Variants in ABCB11 observed in about 807,000 individuals in gnomAD.
ABCB11 encodes the protein ATP binding cassette subfamily B member 11.
Under a neutral mutation model 148.0 loss-of-function variants are expected in ABCB11, and 95 were observed. The observed-to-expected ratio is 0.64, with a 90% CI of 0.54 to 0.76. The LOEUF is 0.76. ABCB11 is among the 30% of genes least tolerant of loss of function. The pLI is 0.00. For synonymous variants in ABCB11, 591 were observed against 555.4 expected (o/e 1.06, Z -0.90); for missense variants, 1,523 against 1,617.8 (o/e 0.94, Z 1.01).
At chr2:169,012,422 G>T (rs565268789) in intron 5 of ABCB11, among the ~76,000 whole-genome samples, 14 of 152,232 alleles carry the variant, frequency 9.2e-5, no homozygotes, top group African/African-American at 3.4e-4. Flanking sequence ...CTGTGTCTGT[G>T]TGAGTTCTGG....
chr2:168,979,816 A>AC, intron 11 of ABCB11, 50 bp downstream of exon 11: 1 of 822,874 alleles, frequency 1.2e-6, no homozygotes, highest in Non-Finnish European at 1.9e-6. Flanking sequence ...TCTGTGCCCC[A>AC]CCCCCCAGCC....
chr2:169,005,551 G>A (rs370135354), intron 5 of ABCB11, among the ~76,000 whole-genome samples: 4 of 152,034 alleles, frequency 2.6e-5, no homozygotes, highest in African/African-American at 4.8e-5. Context: ...CATGCCCACC[G>A]TGCCCCCAAC....
chr2:169,009,699 G>A (rs1278131933), intron 5 of ABCB11, among the ~76,000 whole-genome samples: 1 of 151,670 alleles, frequency 6.6e-6, no homozygotes, highest in African/African-American at 2.4e-5. Flanking sequence ...TGCACATTGT[G>A]CACATGTACC....
At chr2:168,968,171 A>G (rs1693397918) in intron 17 of ABCB11, among the ~76,000 whole-genome samples, 1 of 151,892 alleles carries the variant, frequency 6.6e-6, no homozygotes, top group Non-Finnish European at 1.5e-5. Flanking sequence ...TCAATACACA[A>G]CAATTTTAAC....
chr2:169,030,713 A>AT (rs4148767), intron 1 of ABCB11, among the ~76,000 whole-genome samples: 48,018 of 150,916 alleles, frequency 0.32, 7,881 homozygotes, highest in Admixed American at 0.45. Flanking sequence ...TCCACAGCTC[A>AT]TTTTTTTTTG....
At position 168,979,867 on chromosome 2, in the gene ABCB11, C is replaced by G. The variant is rs772766222; in HGVS notation, c.1196G>C (p.Arg399Thr). The part of the protein sequence containing the change: ...AATSIFETID[R>T]KPIIDCMSED... ...CCTTTACTTTTGGCTTATACATACC[C>G]TGTCTATTGTCTCAAAAATGCTGGT... The change falls in exon 11 of 28, where the codon AGG becomes ACG. Residue 399 changes from arginine (R) to threonine (T), a missense_variant and splice_region_variant. Transcript: ENST00000650372. The G allele has an allele frequency of 6.2e-7, 1 of 1,602,832 alleles. No homozygotes were observed. Among genetic ancestry groups the G allele is most frequent in the South Asian group, 1.1e-5 (1 of 90,756 alleles).
At chr2:168,976,510 GTGGTTA>G in intron 12 of ABCB11, 61 bp downstream of exon 12, 1 of 926,962 alleles carries the variant, frequency 1.1e-6, no homozygotes, top group Non-Finnish European at 1.6e-6. Flanking sequence ...TGAGCAATTT[GTGGTTA>G]TGCAAATAAA....
chr2:168,925,707 C>G (rs1038600214), intron 26 of ABCB11, among the ~76,000 whole-genome samples: 2 of 152,162 alleles, frequency 1.3e-5, no homozygotes, highest in African/African-American at 4.8e-5. Context: ...CCCTGCTTCC[C>G]TTGCCTCCTG....
At chr2:168,948,153 C>CAT (rs747196038) in intron 19 of ABCB11, among the ~76,000 whole-genome samples, 6 of 151,670 alleles carry the variant, frequency 4.0e-5, no homozygotes, top group Non-Finnish European at 8.8e-5. Flanking sequence ...CACAGCAGCT[C>CAT]ATATGCACAG....
intron 10 of ABCB11, among the ~76,000 whole-genome samples, chr2:168,981,870 G>A (rs2105988478): frequency 6.6e-6 from 1 of 152,302 alleles, no homozygotes; most frequent in East Asian, 1.9e-4. Flanking sequence ...CCAGTAAAAT[G>A]TTATTTATAA....
At chr2:168,997,153 G>C (rs1223330391) in intron 5 of ABCB11, among the ~76,000 whole-genome samples, 1 of 152,056 alleles carries the variant, frequency 6.6e-6, no homozygotes, top group Non-Finnish European at 1.5e-5. Context: ...CAGACAGGCT[G>C]TCTGAAAAGA....
chr2:169,012,407 A>C (rs1695213816), intron 5 of ABCB11, among the ~76,000 whole-genome samples: 1 of 152,142 alleles, frequency 6.6e-6, no homozygotes, highest in Non-Finnish European at 1.5e-5. Flanking sequence ...ACAGTAGCAT[A>C]GTGACTGTGT....
chr2:168,960,592 A>G (rs188556751), intron 18 of ABCB11, among the ~76,000 whole-genome samples: 29 of 151,852 alleles, frequency 1.9e-4, no homozygotes, highest in Admixed American at 1.2e-3. Context: ...CACTAACAAG[A>G]AATACGAATT....
intron 11 of ABCB11, among the ~76,000 whole-genome samples, chr2:168,977,971 T>C (rs1254511248): frequency 6.6e-6 from 1 of 152,094 alleles, no homozygotes; most frequent in African/African-American, 2.4e-5. Flanking sequence ...TTTAGCTCTA[T>C]TGAGGAGTAT....
chr2:169,020,468 A>G (rs904045424), intron 1 of ABCB11, among the ~76,000 whole-genome samples: 1 of 152,176 alleles, frequency 6.6e-6, no homozygotes, highest in Admixed American at 6.5e-5. Context: ...AAAACTAAAG[A>G]AACTAAAAAA....
intron 7 of ABCB11, 26 bp from the exon 8 acceptor site, chr2:168,993,908 C>T: frequency 1.3e-6 from 2 of 1,573,084 alleles, no homozygotes; most frequent in Non-Finnish European, 1.7e-6. Context: ...ATTTTGGTCA[C>T]TAAAACTGAA....
chr2:168,970,019 TA>T, intron 15 of ABCB11, 25 bp downstream of exon 15: 1 of 1,559,216 alleles, frequency 6.4e-7, no homozygotes, highest in Non-Finnish European at 8.7e-7. Flanking sequence ...CATGGACCTG[TA>T]AAATGGACTA....
chr2:168,958,092 C>T lies in ABCB11; in HGVS notation c.2215G>A (p.Ala739Thr). Residue 739 changes from alanine (A) to threonine (T), a missense_variant, in exon 19 of 28, where the codon GCC becomes ACC. Coordinates refer to ENST00000650372, the MANE Select transcript of ABCB11 (RefSeq NM_003742.4). The part of the protein sequence containing the change: ...DIPVQEEVEP[A>T]PVRRILKFSA... ...AATTTCAGAATCCTCCTAACTGGGG[C>T]AGGTTCAACTTCTTCCTGCACAGGA... 3 of 1,611,162 alleles carry T rather than the reference C, an allele frequency of 1.9e-6. No homozygotes were observed. The highest frequency in any genetic ancestry group is 2.5e-6 in the Non-Finnish European group (3 of 1,178,134).
chr2:168,987,097 G>A (rs1694351452), intron 9 of ABCB11, among the ~76,000 whole-genome samples: 1 of 152,056 alleles, frequency 6.6e-6, no homozygotes, highest in Non-Finnish European at 1.5e-5. Flanking sequence ...TTTTTTACAA[G>A]AAATAAGGAA....
Sources: gnomAD v4.1 joint callset for allele counts (sites outside exome capture counted in the v4.1 genomes callset) on GRCh38, gnomAD v4.1.1 for gene constraint, MANE v1.5 for transcripts, NCBI Gene and HGNC (gene_info 2026-07-23, HGNC 2026-07-21) for gene names.